Variants in SAR1B observed in about 807,000 individuals in gnomAD.
The protein encoded by SAR1B is small COPII coat GTPase SAR1B.
SAR1B carries 23 observed loss-of-function variants against 26.8 expected under a neutral mutation model. That is an observed-to-expected ratio of 0.86 (90% CI 0.62 to 1.22). The LOEUF is 1.22. SAR1B is among the 50% of genes most tolerant of loss of function. The probability of loss-of-function intolerance (pLI) is 0.00; values close to 1 mark genes in which losing one functional copy is unlikely to be tolerated. For synonymous variants in SAR1B, 65 were observed against 80.8 expected (o/e 0.80, Z 1.05); for missense variants, 196 against 232.8 (o/e 0.84, Z 1.03).
chr5:134,612,909 C>T (rs1055624368), intron 3 of SAR1B, 153 bp from the exon 4 acceptor site: 4 of 656,490 alleles, frequency 6.1e-6, no homozygotes, highest in African/African-American at 1.9e-5. Context: ...TTCAAAGACC[C>T]GTGCTAACAT....
At chr5:134,618,607 A>G (rs1765351285) in intron 3 of SAR1B, among the ~76,000 whole-genome samples, 1 of 152,252 alleles carries the variant, frequency 6.6e-6, no homozygotes, top group African/African-American at 2.4e-5. Flanking sequence ...CACAGGTTAA[A>G]TTAGGTTTCT....
At chr5:134,620,545 A>G (rs2150054041) in intron 3 of SAR1B, among the ~76,000 whole-genome samples, 1 of 152,296 alleles carries the variant, frequency 6.6e-6, no homozygotes, top group East Asian at 1.9e-4. Context: ...ATCATAATTT[A>G]TCTACCAGAA....
At chr5:134,617,469 G>A (rs1159191632) in intron 3 of SAR1B, among the ~76,000 whole-genome samples, 1 of 152,070 alleles carries the variant, frequency 6.6e-6, no homozygotes, top group African/African-American at 2.4e-5. Flanking sequence ...AAAAATATGA[G>A]TTGAAATGAA....
rs146131923 is a variant in SAR1B at position 134,620,906 on chromosome 5, T to A, written c.178+27A>T. 35 of 1,612,992 alleles carry A rather than the reference T, an allele frequency of 2.2e-5. No homozygotes were observed. In the African/African-American group the frequency reaches 4.4e-4, roughly 20 times the overall value. On this transcript the variant is annotated intron_variant, in intron 3 of 6. Coordinates refer to ENST00000402673, the MANE Select transcript of SAR1B (RefSeq NM_016103.4). ...TGACTCAGCATCATTTGATCAAGTA[T>A]CACATTGTATGTAGGAATATACTTA...
intron 1 of SAR1B, among the ~76,000 whole-genome samples, chr5:134,627,570 G>A (rs556458547): frequency 1.3e-5 from 2 of 148,406 alleles, no homozygotes; most frequent in African/African-American, 4.9e-5. Flanking sequence ...AGGCCGAGGC[G>A]GGCGGATCAC....
chr5:134,616,007 G>A (rs1765307959), intron 3 of SAR1B, among the ~76,000 whole-genome samples: 2 of 151,782 alleles, frequency 1.3e-5, no homozygotes, highest in African/African-American at 4.8e-5. Context: ...AGGCGTGGTG[G>A]CAGATGCCTG....
intron 1 of SAR1B, among the ~76,000 whole-genome samples, chr5:134,627,176 C>G (rs1239451940): frequency 1.3e-5 from 2 of 151,794 alleles, no homozygotes; most frequent in Admixed American, 6.6e-5. Flanking sequence ...CTCAGCCTCC[C>G]GAGTAGCTGG....
chr5:134,612,683 A>AAAAAAC lies in SAR1B; in HGVS notation c.244+7_244+8insGTTTTT. 2.8e-6 allele frequency: 3 copies of AAAAAAC among 1,055,238 alleles called. No individual in the cohort carries two copies. Among genetic ancestry groups the AAAAAAC allele is most frequent in the Non-Finnish European group, 4.0e-6 (3 of 756,320 alleles). 65.4% of individuals were successfully genotyped at this position (1,055,238 alleles called of 1,614,324 possible). On this transcript the variant is annotated splice_region_variant and intron_variant, in intron 4 of 6. Transcript: ENST00000402673. ...AAAAAAAAAAAAAAAAAAAAAAAAG[A>AAAAAAC]ATCTTACCTTGAACATGTCCACCCA...
Position 134,606,939 on chromosome 5 carries a change from G to A in SAR1B, c.*11C>T, listed in dbSNP as rs371842816. 7.7e-6 allele frequency: 12 copies of A among 1,564,864 alleles called. No individual in the cohort carries two copies. The South Asian group carries it at 1.1e-4, about 14-fold the overall frequency. On this transcript the variant is annotated 3_prime_UTR_variant, in exon 7 of 7. Coordinates refer to ENST00000402673, the MANE Select transcript of SAR1B (RefSeq NM_016103.4). ...CTGAACGTTGAGACCTGGAACCAATGTGAGTTTGTGTTAATCAATGTACTG... is the reference window on the plus strand; with the variant it reads ...CTGAACGTTGAGACCTGGAACCAATATGAGTTTGTGTTAATCAATGTACTG...
chr5:134,619,927 G>A (rs866883713), intron 3 of SAR1B, among the ~76,000 whole-genome samples: 2 of 151,972 alleles, frequency 1.3e-5, no homozygotes, highest in Admixed American at 6.6e-5. Context: ...TAAATGGTGC[G>A]CTATGATCAT....
At position 134,606,605 on chromosome 5, in the gene SAR1B, A is replaced by G; in HGVS notation, c.*345T>C. The G allele has an allele frequency of 4.2e-6, 1 of 240,632 alleles. No homozygotes were observed. The highest frequency in any genetic ancestry group is 5.4e-5 in the South Asian group (1 of 18,370). 14.9% of individuals were successfully genotyped at this position (240,632 alleles called of 1,614,324 possible). A position where few individuals can be genotyped will look rare whatever the true frequency, so the allele number is the denominator to read the frequency against. On this transcript the variant is annotated 3_prime_UTR_variant, in exon 7 of 7. Coordinates refer to ENST00000402673, the MANE Select transcript of SAR1B (RefSeq NM_016103.4). Reference sequence around the variant, plus strand: ...TTCCAGAAAAGTACATAAAAAATTTAACATGATGAGCTTTTAAATATGGTT... The same window carrying G: ...TTCCAGAAAAGTACATAAAAAATTTGACATGATGAGCTTTTAAATATGGTT...
At chr5:134,609,157 C>G (rs1376891741) in intron 5 of SAR1B, 3 of 455,220 alleles carry the variant, frequency 6.6e-6, no homozygotes. Flanking sequence ...GGGGAGGTAG[C>G]TACATATGCC....
chr5:134,626,987 C>G lies in SAR1B; in HGVS notation c.-18-2950G>C, dbSNP rs1223174361. 2.0e-5 allele frequency among the ~76,000 whole-genome samples: 3 copies of G among 152,084 alleles called. No homozygotes were observed. The East Asian group carries it at 5.8e-4, about 29-fold the overall frequency. Reference sequence around the variant, plus strand: ...AGCTATTATAGAAAAATTTTAAAAGCAAATTTTAAAAAGCTTATATGGCAT... The same window carrying G: ...AGCTATTATAGAAAAATTTTAAAAGGAAATTTTAAAAAGCTTATATGGCAT... On this transcript the variant is annotated intron_variant, in intron 1 of 6. Coordinates refer to ENST00000402673, the MANE Select transcript of SAR1B (RefSeq NM_016103.4).
At chr5:134,616,462 G>T (rs1203788516) in intron 3 of SAR1B, among the ~76,000 whole-genome samples, 1 of 149,942 alleles carries the variant, frequency 6.7e-6, no homozygotes, top group Non-Finnish European at 1.5e-5. Flanking sequence ...AAGAAAGAAA[G>T]AAATTCTATG....
chr5:134,616,165 G>A (rs1419222358), intron 3 of SAR1B, among the ~76,000 whole-genome samples: 1 of 148,230 alleles, frequency 6.7e-6, no homozygotes, highest in Non-Finnish European at 1.5e-5. Context: ...CAGGGCACAC[G>A]GTGGCTCATG....
intron 1 of SAR1B, among the ~76,000 whole-genome samples, chr5:134,626,610 A>C (rs1306316334): frequency 6.6e-6 from 1 of 152,222 alleles, no homozygotes; most frequent in Non-Finnish European, 1.5e-5. Flanking sequence ...GCAGATTAGA[A>C]AAGTGATCTA....
intron 1 of SAR1B, chr5:134,631,695 G>C (rs1349961121): frequency 1.3e-5 from 2 of 152,208 alleles, no homozygotes; most frequent in African/African-American, 4.8e-5. Flanking sequence ...GACGAATTTG[G>C]TTCTTTCAGC....
In SAR1B at chr5:134,606,858, C is replaced by T. The variant is rs1765135786; in HGVS notation, c.*92G>A. On this transcript the variant is annotated 3_prime_UTR_variant, in exon 7 of 7. Coordinates refer to ENST00000402673, the MANE Select transcript of SAR1B (RefSeq NM_016103.4). Reference sequence around the variant, plus strand: ...TAAAAAACATCTGTTTTATAACCAGCAAAAGTCTATTGAATTCAAGTTATG... The same window carrying T: ...TAAAAAACATCTGTTTTATAACCAGTAAAAGTCTATTGAATTCAAGTTATG... 1 of 836,238 alleles carries T rather than the reference C, an allele frequency of 1.2e-6. No homozygotes were observed. The allele number at this position is 836,238 out of a possible 1,614,324, so 51.8% of individuals were successfully genotyped here.
Position 134,605,816 on chromosome 5 carries a change from A to G in SAR1B, c.*1134T>C, listed in dbSNP as rs1194928169. On this transcript the variant is annotated 3_prime_UTR_variant, in exon 7 of 7. Coordinates refer to ENST00000402673, the MANE Select transcript of SAR1B (RefSeq NM_016103.4). ...ATGCCAAAGAATACAAAAGAGCTATAGGATAGGAACAAAATCTCCACATAT... is the reference window on the plus strand; with the variant it reads ...ATGCCAAAGAATACAAAAGAGCTATGGGATAGGAACAAAATCTCCACATAT... 1 of 152,234 alleles carries G rather than the reference A, an allele frequency of 6.6e-6. No homozygotes were observed. Among genetic ancestry groups the G allele is most frequent in the Non-Finnish European group, 1.5e-5 (1 of 68,048 alleles). 9.4% of individuals were successfully genotyped at this position (152,234 alleles called of 1,614,324 possible).
Sources: gnomAD v4.1 joint callset for allele counts (sites outside exome capture counted in the v4.1 genomes callset) on GRCh38, gnomAD v4.1.1 for gene constraint, MANE v1.5 for transcripts, NCBI Gene and HGNC (gene_info 2026-07-23, HGNC 2026-07-21) for gene names.